FOXJ3: variants seen among roughly 807,000 people sequenced by gnomAD.
FOXJ3 encodes forkhead box J3.
Under a neutral mutation model 76.1 loss-of-function variants are expected in FOXJ3, and 22 were observed. The observed-to-expected ratio is 0.29, with a 90% CI of 0.21 to 0.41. The LOEUF is 0.41. Ranked by LOEUF, FOXJ3 falls within the 10% of genes least tolerant of loss-of-function variation. The probability of loss-of-function intolerance (pLI) is 1.00; values close to 1 mark genes in which losing one functional copy is unlikely to be tolerated. For synonymous variants in FOXJ3, 269 were observed against 261.2 expected (o/e 1.03, Z -0.29); for missense variants, 613 against 762.1 (o/e 0.80, Z 2.30).
intron 2 of FOXJ3, among the ~76,000 whole-genome samples, chr1:42,292,541 A>G (rs755746486): frequency 2.0e-5 from 3 of 152,260 alleles, no homozygotes; most frequent in Non-Finnish European, 2.9e-5. Flanking sequence ...CCCAGATAAA[A>G]ATAAGAATAC....
Position 42,188,891 on chromosome 1 carries a change from G to A in FOXJ3, c.1491C>T (p.Asn497=), listed in dbSNP as rs765603085. The change falls in exon 11 of 13, where the codon AAC becomes AAT. Residue 497 remains asparagine (N), a synonymous_variant. Coordinates refer to ENST00000361346, the MANE Select transcript of FOXJ3 (RefSeq NM_014947.5). ...MESMRQADLK[N]WSLDQVQFAD... ...CAAACTGAACCTGGTCTAAAGACCA[G>A]TTCTTGAGATCTGCCTGTCTCATAC... The A allele has an allele frequency of 6.2e-7, 1 of 1,612,196 alleles. No individual in the cohort carries two copies. The highest frequency in any genetic ancestry group is 1.1e-5 in the South Asian group (1 of 90,842).
chr1:42,258,242 T>C (rs533417024), intron 4 of FOXJ3, among the ~76,000 whole-genome samples: 2 of 152,354 alleles, frequency 1.3e-5, no homozygotes, highest in African/African-American at 2.4e-5. Flanking sequence ...CCAGTTTATT[T>C]TGGCAATCCA....
At chr1:42,300,782 A>C (rs1412222402) in intron 2 of FOXJ3, among the ~76,000 whole-genome samples, 1 of 152,138 alleles carries the variant, frequency 6.6e-6, no homozygotes, top group African/African-American at 2.4e-5. Context: ...TGTCCAAAAA[A>C]CAAAATTAAT....
chr1:42,269,398 TAC>T (rs1357857058), intron 3 of FOXJ3, among the ~76,000 whole-genome samples: 1 of 152,222 alleles, frequency 6.6e-6, no homozygotes, highest in African/African-American at 2.4e-5. Context: ...TACACACCTC[TAC>T]AGTCTTCCTC....
chr1:42,320,386 A>G (rs180890657), intron 1 of FOXJ3, among the ~76,000 whole-genome samples: 2 of 152,330 alleles, frequency 1.3e-5, no homozygotes, highest in Admixed American at 1.3e-4. Context: ...AACTCACTAG[A>G]TAATCCTGAG....
At chr1:42,190,286 A>C (rs188143744) in intron 9 of FOXJ3, among the ~76,000 whole-genome samples, 1 of 152,304 alleles carries the variant, frequency 6.6e-6, no homozygotes, top group African/African-American at 2.4e-5. Flanking sequence ...AAGACCAATA[A>C]AAAGGGCTGG....
chr1:42,328,464 T>C (rs562127960), intron 1 of FOXJ3, among the ~76,000 whole-genome samples: 2 of 152,268 alleles, frequency 1.3e-5, no homozygotes, highest in African/African-American at 2.4e-5. Flanking sequence ...ATTTCATCAA[T>C]TGATGATGGG....
At chr1:42,212,718 T>G (rs1384179781) in intron 5 of FOXJ3, among the ~76,000 whole-genome samples, 3 of 151,976 alleles carry the variant, frequency 2.0e-5, no homozygotes, top group Non-Finnish European at 2.9e-5. Context: ...CTCAAAGAAC[T>G]TCTGGGAGAT....
chr1:42,240,058 G>GT (rs1557665371), intron 4 of FOXJ3, among the ~76,000 whole-genome samples: 1 of 152,140 alleles, frequency 6.6e-6, no homozygotes, highest in Non-Finnish European at 1.5e-5. Context: ...ATTGTAGGAG[G>GT]TAAGAAAGAA....
At chr1:42,232,193 A>G (rs1008646924) in intron 4 of FOXJ3, among the ~76,000 whole-genome samples, 2 of 151,196 alleles carry the variant, frequency 1.3e-5, no homozygotes, top group African/African-American at 4.9e-5. Flanking sequence ...AATCCAGTCT[A>G]TCATTGTTGG....
intron 4 of FOXJ3, among the ~76,000 whole-genome samples, chr1:42,252,697 T>C (rs1001644743): frequency 6.6e-6 from 1 of 152,134 alleles, no homozygotes; most frequent in Non-Finnish European, 1.5e-5. Context: ...CTTGCTTTTC[T>C]AGTTCTTTTA....
At chr1:42,244,963 T>A (rs977251146) in intron 4 of FOXJ3, among the ~76,000 whole-genome samples, 1 of 152,052 alleles carries the variant, frequency 6.6e-6, no homozygotes, top group Admixed American at 6.6e-5. Context: ...GGGCAGATCA[T>A]GAGGTCAGGA....
At chr1:42,317,597 TCA>T (rs1390748340) in intron 1 of FOXJ3, among the ~76,000 whole-genome samples, 19 of 151,080 alleles carry the variant, frequency 1.3e-4, no homozygotes, top group African/African-American at 4.6e-4. Context: ...GCAATCATGT[TCA>T]GTGTAGATCA....
At chr1:42,238,418 A>C (rs1373678236) in intron 4 of FOXJ3, among the ~76,000 whole-genome samples, 1 of 152,154 alleles carries the variant, frequency 6.6e-6, no homozygotes, top group Non-Finnish European at 1.5e-5. Flanking sequence ...GTTCCCCACC[A>C]CCACGGCAAG....
intron 2 of FOXJ3, among the ~76,000 whole-genome samples, chr1:42,306,518 G>T (rs1654485265): frequency 6.6e-6 from 1 of 151,872 alleles, no homozygotes; most frequent in Non-Finnish European, 1.5e-5. Context: ...TGGCCAGGCT[G>T]GTCTCGAACT....
At chr1:42,284,363 T>C (rs1652919265) in intron 2 of FOXJ3, among the ~76,000 whole-genome samples, 1 of 152,146 alleles carries the variant, frequency 6.6e-6, no homozygotes, top group Non-Finnish European at 1.5e-5. Context: ...AAAACAGAAA[T>C]GCAGGAAAAA....
chr1:42,201,951 T>C (rs1369940405), intron 6 of FOXJ3, among the ~76,000 whole-genome samples: 1 of 152,186 alleles, frequency 6.6e-6, no homozygotes, highest in Non-Finnish European at 1.5e-5. Flanking sequence ...TCATTTTTTA[T>C]GATTTTGTCT....
At chr1:42,263,555 A>C (rs1651224529) in intron 4 of FOXJ3, among the ~76,000 whole-genome samples, 1 of 152,190 alleles carries the variant, frequency 6.6e-6, no homozygotes, top group East Asian at 1.9e-4. Context: ...AGAATCTCAA[A>C]GTTAAAAACA....
At chr1:42,213,846 G>C (rs1647014962) in intron 5 of FOXJ3, among the ~76,000 whole-genome samples, 1 of 152,088 alleles carries the variant, frequency 6.6e-6, no homozygotes, top group South Asian at 2.1e-4. Context: ...ACAAAGTTCT[G>C]GTGTTCTATT....
Sources: allele counts gnomAD v4.1 joint callset (sites outside exome capture counted in the v4.1 genomes callset), GRCh38; gene constraint gnomAD v4.1.1; transcripts MANE v1.5; gene names NCBI Gene and HGNC (gene_info 2026-07-23, HGNC 2026-07-21).